Variants in PPFIBP1 observed in about 807,000 individuals in gnomAD.
PPFIBP1 encodes liprin-beta-1.
Under a neutral mutation model 137.8 loss-of-function variants are expected in PPFIBP1, and 112 were observed. The observed-to-expected ratio is 0.81, with a 90% CI of 0.70 to 0.95. The LOEUF is 0.95. Among genes scored for constraint, PPFIBP1 ranks in the 40% least tolerant of loss-of-function variants. The pLI, the probability that PPFIBP1 is intolerant of heterozygous loss-of-function variation, is 0.00. For missense variants in PPFIBP1, 1,083 were observed against 1,196.6 expected (o/e 0.91, Z 1.40); for synonymous variants, 378 against 417.3 (o/e 0.91, Z 1.15).
intron 1 of PPFIBP1, among the ~76,000 whole-genome samples, chr12:27,531,930 G>T (rs557470925): frequency 1.3e-3 from 193 of 152,104 alleles, no homozygotes; most frequent in African/African-American, 4.4e-3. Flanking sequence ...GAAGGGCGGG[G>T]ACTCCAGAGT....
intron 1 of PPFIBP1, among the ~76,000 whole-genome samples, chr12:27,533,756 AAG>A (rs1343371982): frequency 2.6e-5 from 4 of 152,224 alleles, no homozygotes; most frequent in Non-Finnish European, 5.9e-5. Context: ...GTAGAGTAAA[AAG>A]AGAAGCAAGC....
At chr12:27,657,168 T>G (rs1447080626) in intron 9 of PPFIBP1, 1 of 152,792 alleles carries the variant, frequency 6.5e-6, no homozygotes, top group Non-Finnish European at 1.5e-5. Flanking sequence ...TTTGGAAAAA[T>G]TAGTAAAAAA....
chr12:27,684,305 C>T (rs1011608868), intron 24 of PPFIBP1, among the ~76,000 whole-genome samples: 2 of 151,040 alleles, frequency 1.3e-5, no homozygotes, highest in Non-Finnish European at 2.9e-5. Flanking sequence ...GATGGAGTTT[C>T]GCCATGTTGG....
chr12:27,644,300 C>T (rs1460095875), intron 4 of PPFIBP1, among the ~76,000 whole-genome samples: 1 of 139,918 alleles, frequency 7.1e-6, no homozygotes, highest in Non-Finnish European at 1.5e-5. Context: ...GTTGCCTATG[C>T]TGGCCTCAAA....
chr12:27,678,856 C>CAAAAAAAAAAAAAAAAAAAA (rs60834907), intron 19 of PPFIBP1, among the ~76,000 whole-genome samples: 29 of 98,956 alleles, frequency 2.9e-4, no homozygotes, highest in Admixed American at 6.8e-4. Flanking sequence ...GACTCTGTCT[C>CAAAAAAAAAAAAAAAAAAAA]AAAAAAAAAA....
chr12:27,615,398 T>G (rs1332667842), intron 2 of PPFIBP1, among the ~76,000 whole-genome samples: 1 of 151,792 alleles, frequency 6.6e-6, no homozygotes, highest in Non-Finnish European at 1.5e-5. Flanking sequence ...AACAGAGGGG[T>G]GGGTGGAATT....
chr12:27,525,733 C>G (rs574514793), intron 1 of PPFIBP1, among the ~76,000 whole-genome samples: 2 of 152,164 alleles, frequency 1.3e-5, no homozygotes, highest in Admixed American at 6.5e-5. Flanking sequence ...AACAGTAGGT[C>G]TAGTAAACCC....
In PPFIBP1 at chr12:27,634,938, G is replaced by T. The variant is rs2057544774; in HGVS notation, c.93G>T (p.Gly31=). The change falls in exon 4 of 30, where the codon GGG becomes GGT. Residue 31 remains glycine, a synonymous_variant. Coordinates refer to ENST00000228425, the MANE Select transcript of PPFIBP1 (RefSeq NM_003622.4). ...CTAAGGCTCTGGAATATTCCAATGG[G>T]ATTTTTGATTGCCAATCTCCCACCT... ...AGSKALEYSN[G]IFDCQSPTSP... is the part of the protein sequence containing the mutation. The T allele has an allele frequency of 5.0e-6, 8 of 1,614,068 alleles. No individual in the cohort carries two copies. The highest frequency in any genetic ancestry group is 5.9e-6 in the Non-Finnish European group (7 of 1,179,968).
intron 1 of PPFIBP1, among the ~76,000 whole-genome samples, chr12:27,544,224 G>C (rs751136210): frequency 3.9e-5 from 6 of 152,038 alleles, no homozygotes; most frequent in Non-Finnish European, 8.8e-5. Context: ...TGGAGGCAGA[G>C]GTGTTTGTGG....
chr12:27,650,908 C>CT (rs2058838224), intron 7 of PPFIBP1, among the ~76,000 whole-genome samples: 1 of 152,190 alleles, frequency 6.6e-6, no homozygotes, highest in Non-Finnish European at 1.5e-5. Flanking sequence ...TTTCTTTTCT[C>CT]TGAGAGCCAT....
At chr12:27,683,521 T>C (rs1386097418) in intron 24 of PPFIBP1, among the ~76,000 whole-genome samples, 1 of 152,224 alleles carries the variant, frequency 6.6e-6, no homozygotes, top group African/African-American at 2.4e-5. Flanking sequence ...AACTGTTACC[T>C]GAAACCCTAT....
At chr12:27,679,461 C>G in intron 19 of PPFIBP1, 28 bp from the exon 20 acceptor site, 6 of 1,584,898 alleles carry the variant, frequency 3.8e-6, no homozygotes, top group Non-Finnish European at 5.1e-6. Flanking sequence ...TTTTAAAATT[C>G]ATTGTCTGCA....
intron 13 of PPFIBP1, among the ~76,000 whole-genome samples, chr12:27,670,326 G>A (rs2060101404): frequency 6.6e-6 from 1 of 152,152 alleles, no homozygotes; most frequent in Admixed American, 6.5e-5. Flanking sequence ...ATTAAGCAAA[G>A]TGTTTTAAGT....
chr12:27,598,650 A>G (rs1299109067), intron 2 of PPFIBP1, among the ~76,000 whole-genome samples: 1 of 152,142 alleles, frequency 6.6e-6, no homozygotes, highest in African/African-American at 2.4e-5. Context: ...AGAAAAATAT[A>G]TGATCATTTA....
chr12:27,679,164 T>C (rs1197163216), intron 19 of PPFIBP1, among the ~76,000 whole-genome samples: 2 of 152,156 alleles, frequency 1.3e-5, no homozygotes, highest in African/African-American at 4.8e-5. Flanking sequence ...TTGAAGGATG[T>C]AGCAGGTAAT....
chr12:27,648,228 C>T (rs2058659928), intron 6 of PPFIBP1, among the ~76,000 whole-genome samples: 2 of 152,060 alleles, frequency 1.3e-5, no homozygotes, highest in South Asian at 4.2e-4. Flanking sequence ...ATACAAATGG[C>T]AAACAGACAT....
chr12:27,633,847 T>G (rs1158507000), intron 3 of PPFIBP1, among the ~76,000 whole-genome samples: 3 of 148,552 alleles, frequency 2.0e-5, no homozygotes, highest in African/African-American at 7.5e-5. Context: ...TTTTTTTTTT[T>G]TTTTTTTTGA....
At chr12:27,569,375 A>C (rs962172042) in intron 1 of PPFIBP1, among the ~76,000 whole-genome samples, 14 of 152,222 alleles carry the variant, frequency 9.2e-5, no homozygotes, top group African/African-American at 3.4e-4. Flanking sequence ...CAACACAAAT[A>C]GTTGTATGGC....
chr12:27,688,178 A>T, intron 25 of PPFIBP1, 120 bp from the exon 26 acceptor site: 1 of 1,152,258 alleles, frequency 8.7e-7, no homozygotes, highest in Non-Finnish European at 1.2e-6. Flanking sequence ...TCTTTAAAAG[A>T]GAATTTTTCC....
Sources: gnomAD v4.1 joint callset for allele counts (sites outside exome capture counted in the v4.1 genomes callset) on GRCh38, gnomAD v4.1.1 for gene constraint, MANE v1.5 for transcripts, NCBI Gene and HGNC (gene_info 2026-07-23, HGNC 2026-07-21) for gene names.